Variants in ARHGAP22 observed in about 807,000 individuals in gnomAD.
ARHGAP22 encodes the protein Rho GTPase activating protein 22.
ARHGAP22 carries 48 observed loss-of-function variants against 59.1 expected under a neutral mutation model. The ratio of observed to expected loss-of-function variants is 0.81; its 90% CI spans 0.64 to 1.03. ARHGAP22 has a LOEUF of 1.03. Ranked by LOEUF, ARHGAP22 falls within the 50% of genes least tolerant of loss-of-function variation. The pLI is 0.00. For missense variants in ARHGAP22, 1,015 were observed against 958.7 expected (o/e 1.06, Z -0.78); for synonymous variants, 445 against 416.4 (o/e 1.07, Z -0.84).
At chr10:48,491,647 G>GGGCGGC (rs1309577478) in intron 3 of ARHGAP22, among the ~76,000 whole-genome samples, 3 of 152,278 alleles carry the variant, frequency 2.0e-5, no homozygotes, top group African/African-American at 7.2e-5. Context: ...AGGTTAGTGA[G>GGGCGGC]GGCGGCAGCG....
intron 9 of ARHGAP22, among the ~76,000 whole-genome samples, chr10:48,448,666 G>T (rs1047600882): frequency 3.4e-5 from 5 of 146,310 alleles, no homozygotes; most frequent in Non-Finnish European, 7.4e-5. Context: ...TGCTGGACAG[G>T]ACAGGTGCTA....
At position 48,448,891 on chromosome 10, in the gene ARHGAP22, G is replaced by GTGATGAGACC. The variant is rs371646870; in HGVS notation, c.1868+1369_1868+1370insGGTCTCATCA. The stretch of plus-strand genomic sequence containing the variant: ...AGTTTCCCGAGCGCTCTCATCCACT[G>GTGATGAGACC]TGAGTCACTTAATACTCAGGACAAA... On this transcript the variant is annotated intron_variant, in intron 9 of 9. Coordinates refer to ENST00000249601, the MANE Select transcript of ARHGAP22 (RefSeq NM_021226.4). Among the ~76,000 whole-genome samples the GTGATGAGACC allele has an allele frequency of 2.8e-3, 433 of 152,346 alleles. 3 individuals carry two copies. The highest frequency in any genetic ancestry group is 0.01 in the African/African-American group (421 of 41,582).
At chr10:48,612,191 T>G (rs868358148) in intron 1 of ARHGAP22, among the ~76,000 whole-genome samples, 7 of 152,124 alleles carry the variant, frequency 4.6e-5, no homozygotes, top group Admixed American at 1.3e-4. Flanking sequence ...TGGTGCTTTT[T>G]TCCAAGTTGA....
At chr10:48,523,446 C>A (rs2054001065) in intron 3 of ARHGAP22, among the ~76,000 whole-genome samples, 1 of 152,242 alleles carries the variant, frequency 6.6e-6, no homozygotes, top group African/African-American at 2.4e-5. Flanking sequence ...CTCCGGCGGC[C>A]GCCAACGTCC....
chr10:48,571,537 T>C (rs903524176), intron 2 of ARHGAP22, among the ~76,000 whole-genome samples: 1 of 152,218 alleles, frequency 6.6e-6, no homozygotes, highest in South Asian at 2.1e-4. Flanking sequence ...CTAATTTCTA[T>C]GCATCTTAAG....
At chr10:48,549,489 G>A (rs1769269489) in intron 3 of ARHGAP22, among the ~76,000 whole-genome samples, 1 of 152,070 alleles carries the variant, frequency 6.6e-6, no homozygotes, top group African/African-American at 2.4e-5. Context: ...GCATTGCTGG[G>A]GGCAGGGTGA....
chr10:48,531,831 C>T (rs115658658), intron 3 of ARHGAP22, among the ~76,000 whole-genome samples: 1,545 of 152,204 alleles, frequency 0.01, 33 homozygotes, highest in African/African-American at 0.033. Flanking sequence ...GAATGGGACT[C>T]GATGGTGAAT....
In ARHGAP22 at chr10:48,455,242, C is replaced by A. The variant is rs2046376822; in HGVS notation, c.660-108G>T. 3.8e-6 allele frequency: 5 copies of A among 1,299,422 alleles called. No homozygotes were observed. In the African/African-American group the frequency reaches 4.4e-5, roughly 11 times the overall value. The allele number at this position is 1,299,422 out of a possible 1,614,324, so 80.5% of individuals were successfully genotyped here. On this transcript the variant is annotated intron_variant, in intron 5 of 9. Transcript: ENST00000249601. ...GGCAGCCTCTGGTCTCAGGTGCATT[C>A]TTGGGCGCACTGGGGGCTGCATCTG...
At chr10:48,604,705 G>T in intron 1 of ARHGAP22, 58 bp downstream of exon 1, 1 of 1,613,736 alleles carries the variant, frequency 6.2e-7, no homozygotes, top group Non-Finnish European at 8.5e-7. Flanking sequence ...AAGTGTCCGC[G>T]CACGTTTGCC....
In ARHGAP22 at chr10:48,544,077, C is replaced by T. The variant is rs958862500; in HGVS notation, c.322+11386G>A. On this transcript the variant is annotated intron_variant, in intron 3 of 9. Coordinates refer to ENST00000249601, the MANE Select transcript of ARHGAP22 (RefSeq NM_021226.4). The stretch of plus-strand genomic sequence containing the variant: ...GGTGGAGGTTGCAGTGAGCCAAGAT[C>T]GTGCCACTGCACTCCGGCCTGGGTG... Among the ~76,000 whole-genome samples the T allele has an allele frequency of 6.6e-5, 10 of 151,762 alleles. No homozygotes were observed. The East Asian group carries it at 7.7e-4, about 12-fold the overall frequency.
In ARHGAP22 at chr10:48,446,369, G is replaced by T. The variant is rs778729512; in HGVS notation, c.*22C>A. 1 of 1,612,360 alleles carries T rather than the reference G, an allele frequency of 6.2e-7. No homozygotes were observed. The highest frequency in any genetic ancestry group is 2.2e-5 in the East Asian group (1 of 44,874). ...GCTGGAGACCAGCAGACGTGGTACA[G>T]AAGTGAGCTCTGCCATTCCTTTTAC... On this transcript the variant is annotated 3_prime_UTR_variant, in exon 10 of 10. Transcript: ENST00000249601.
chr10:48,562,345 A>G (rs2057746315), intron 2 of ARHGAP22, among the ~76,000 whole-genome samples: 1 of 152,246 alleles, frequency 6.6e-6, no homozygotes, highest in African/African-American at 2.4e-5. Context: ...TATGCAAATC[A>G]TTGCAGTTTT....
At chr10:48,581,307 C>T (rs1292081986) in intron 2 of ARHGAP22, among the ~76,000 whole-genome samples, 1 of 152,260 alleles carries the variant, frequency 6.6e-6, no homozygotes, top group East Asian at 1.9e-4. Context: ...TTTATGTTCT[C>T]TGGAACACAC....
chr10:48,506,289 A>G (rs2052131535), intron 3 of ARHGAP22, among the ~76,000 whole-genome samples: 1 of 152,252 alleles, frequency 6.6e-6, no homozygotes, highest in Non-Finnish European at 1.5e-5. Flanking sequence ...AAACCTAGAC[A>G]GTACAGGTAC....
At chr10:48,462,412 T>C (rs1275385873) in intron 4 of ARHGAP22, among the ~76,000 whole-genome samples, 1 of 152,218 alleles carries the variant, frequency 6.6e-6, no homozygotes, top group Non-Finnish European at 1.5e-5. Flanking sequence ...CATCATTATC[T>C]TGACTTTTGC....
At chr10:48,478,721 C>T (rs770619712) in intron 4 of ARHGAP22, among the ~76,000 whole-genome samples, 8 of 152,296 alleles carry the variant, frequency 5.3e-5, no homozygotes, top group South Asian at 2.1e-4. Context: ...AGCGACTGCA[C>T]GGCTGGGAGT....
At chr10:48,488,925 C>A (rs1277602732) in intron 3 of ARHGAP22, among the ~76,000 whole-genome samples, 9 of 152,164 alleles carry the variant, frequency 5.9e-5, no homozygotes, top group African/African-American at 2.2e-4. Flanking sequence ...CTCACAGAGT[C>A]CAACGGGCTC....
chr10:48,592,766 G>C (rs2059840208), intron 1 of ARHGAP22, among the ~76,000 whole-genome samples: 1 of 152,140 alleles, frequency 6.6e-6, no homozygotes, highest in Non-Finnish European at 1.5e-5. Flanking sequence ...CTCCTCCCAG[G>C]GTTCCCCCAT....
chr10:48,607,688 G>A (rs542146249), upstream of ARHGAP22, among the ~76,000 whole-genome samples: 14 of 152,340 alleles, frequency 9.2e-5, no homozygotes, highest in East Asian at 1.5e-3. Context: ...CAAGGAGTGG[G>A]AGATACAGGT....
Sources: gnomAD v4.1 joint callset for allele counts (sites outside exome capture counted in the v4.1 genomes callset) on GRCh38, gnomAD v4.1.1 for gene constraint, MANE v1.5 for transcripts, NCBI Gene and HGNC (gene_info 2026-07-23, HGNC 2026-07-21) for gene names.